The following RABGAP1L variants were observed in gnomAD, a reference collection of about 807,000 sequenced individuals.
The protein encoded by RABGAP1L is RAB GTPase activating protein 1 like, also known as rab GTPase-activating protein 1-like.
Under a neutral mutation model 137.7 loss-of-function variants are expected in RABGAP1L, and 63 were observed. That is an observed-to-expected ratio of 0.46 (90% confidence interval 0.37 to 0.56). The LOEUF (loss-of-function observed/expected upper bound fraction) is 0.56, where lower values mean the gene tolerates loss of function less well. Among genes scored for constraint, RABGAP1L ranks in the 20% least tolerant of loss-of-function variants. RABGAP1L has a pLI of 0.00. For synonymous variants in RABGAP1L, 431 were observed against 433.7 expected (o/e 0.99, Z 0.08); for missense variants, 1,095 against 1,244.0 (o/e 0.88, Z 1.80).
chr1:174,772,154 C>T lies in RABGAP1L; in HGVS notation c.2211+19800C>T, dbSNP rs892657925. On this transcript the variant is annotated intron_variant, in intron 18 of 25. Transcript: ENST00000681986. ...CAGAGGTTGCAGTGAGCTGAGATCA[C>T]GCCACTGCACTACAGCCTGGACGAC... Among the ~76,000 whole-genome samples the T allele has an allele frequency of 1.1e-4, 17 of 151,568 alleles. No homozygotes were observed. The East Asian group carries it at 1.8e-3, about 16-fold the overall frequency.
rs565350850 is a variant in RABGAP1L, at chr1:174,863,256, A to G, written c.2340+51296A>G. Reference sequence around the variant, plus strand: ...AGCAAAAAAAAAAAAAAAGAAAAACAGTATATTTAATGGGAACTTCTTTTT... The same window carrying G: ...AGCAAAAAAAAAAAAAAAGAAAAACGGTATATTTAATGGGAACTTCTTTTT... On this transcript the variant is annotated intron_variant, in intron 19 of 25. Transcript: ENST00000681986. Among the ~76,000 whole-genome samples, 84 of 150,594 alleles carry G rather than the reference A, an allele frequency of 5.6e-4. 1 individual carries two copies. The South Asian group carries it at 0.017, about 31-fold the overall frequency.
intron 5 of RABGAP1L, chr1:174,243,019 G>A (rs1353639784): frequency 6.6e-6 from 1 of 152,170 alleles, no homozygotes; most frequent in Non-Finnish European, 1.5e-5. Flanking sequence ...GGCATTTCAT[G>A]TTGGCAGCCA....
intron 17 of RABGAP1L, among the ~76,000 whole-genome samples, chr1:174,727,375 A>G (rs1039218172): frequency 2.0e-5 from 3 of 152,224 alleles, no homozygotes; most frequent in Non-Finnish European, 4.4e-5. Context: ...GATCCTATTT[A>G]AATGCTGATT....
chr1:174,904,144 C>T (rs1023132374), intron 19 of RABGAP1L, among the ~76,000 whole-genome samples: 2 of 152,038 alleles, frequency 1.3e-5, no homozygotes, highest in African/African-American at 4.8e-5. Context: ...GTTCTGCTCT[C>T]TCCCCCATTC....
chr1:174,205,074 T>C (rs145433372), intron 1 of RABGAP1L, among the ~76,000 whole-genome samples: 3 of 152,294 alleles, frequency 2.0e-5, no homozygotes, highest in African/African-American at 7.2e-5. Context: ...GGTTTTTGTC[T>C]TTAGTTCTGT....
At chr1:174,517,488 AG>A (rs888987738) in intron 13 of RABGAP1L, among the ~76,000 whole-genome samples, 2 of 152,156 alleles carry the variant, frequency 1.3e-5, no homozygotes, top group Non-Finnish European at 2.9e-5. Flanking sequence ...CTGCAGTTCT[AG>A]GGGGGCTATT....
chr1:174,841,937 T>C (rs1484949448), intron 19 of RABGAP1L, among the ~76,000 whole-genome samples: 1 of 152,022 alleles, frequency 6.6e-6, no homozygotes, highest in Admixed American at 6.6e-5. Context: ...ACAATGTAGA[T>C]GCCAATAGGA....
At chr1:174,194,827 T>G (rs1455169758) in intron 1 of RABGAP1L, among the ~76,000 whole-genome samples, 1 of 152,142 alleles carries the variant, frequency 6.6e-6, no homozygotes, top group African/African-American at 2.4e-5. Context: ...GGCACAGGGT[T>G]TGCTTTGAAA....
At chr1:174,800,176 A>T in intron 18 of RABGAP1L, 1 of 1,397,898 alleles carries the variant, frequency 7.2e-7, no homozygotes, top group Non-Finnish European at 9.3e-7. Flanking sequence ...TTTAGCCAAA[A>T]TGTTTTTCTT....
chr1:174,778,341 A>G (rs766096286), intron 18 of RABGAP1L, among the ~76,000 whole-genome samples: 2 of 152,228 alleles, frequency 1.3e-5, no homozygotes, highest in African/African-American at 4.8e-5. Context: ...TAGACATACA[A>G]AAGCTAAAAG....
At chr1:174,815,057 C>T (rs1483319792) in intron 19 of RABGAP1L, among the ~76,000 whole-genome samples, 1 of 152,178 alleles carries the variant, frequency 6.6e-6, no homozygotes, top group East Asian at 1.9e-4. Flanking sequence ...AACCAAAAGG[C>T]TGACCACAAC....
chr1:174,315,736 G>C (rs929963171), intron 11 of RABGAP1L, among the ~76,000 whole-genome samples: 2 of 149,028 alleles, frequency 1.3e-5, no homozygotes, highest in African/African-American at 5.0e-5. Flanking sequence ...AGTCTTCTTT[G>C]GGTTAAATGT....
chr1:174,791,749 C>T (rs1338743421), intron 18 of RABGAP1L, among the ~76,000 whole-genome samples: 2 of 152,188 alleles, frequency 1.3e-5, no homozygotes, highest in Non-Finnish European at 2.9e-5. Context: ...GCAGCTCTTA[C>T]AGAGACGCTG....
intron 3 of RABGAP1L, among the ~76,000 whole-genome samples, chr1:174,221,798 A>G (rs1669776286): frequency 6.6e-6 from 1 of 152,134 alleles, no homozygotes; most frequent in South Asian, 2.1e-4. Context: ...AGCTGGTTAC[A>G]AAGTAGCTAC....
intron 5 of RABGAP1L, among the ~76,000 whole-genome samples, chr1:174,248,572 G>C (rs945638967): frequency 6.6e-6 from 1 of 152,146 alleles, no homozygotes; most frequent in African/African-American, 2.4e-5. Context: ...AGTTAAAACT[G>C]TTAATTTGGC....
intron 19 of RABGAP1L, among the ~76,000 whole-genome samples, chr1:174,841,268 A>G (rs572752239): frequency 2.0e-5 from 3 of 152,298 alleles, no homozygotes; most frequent in East Asian, 1.9e-4. Context: ...GGCAAAGTAA[A>G]TATATACAGC....
intron 1 of RABGAP1L, among the ~76,000 whole-genome samples, chr1:174,162,771 CTTTCTG>C (rs1664585466): frequency 2.5e-5 from 1 of 40,790 alleles, no homozygotes; most frequent in Non-Finnish European, 5.0e-5. Flanking sequence ...TTTTTTTTCT[CTTTCTG>C]TTTTTTTTTT....
At chr1:174,292,329 C>CTTTTTTTTTTTTTT (rs61636433) in intron 10 of RABGAP1L, among the ~76,000 whole-genome samples, 2 of 50,600 alleles carry the variant, frequency 4.0e-5, no homozygotes. Context: ...CCTACCTAAT[C>CTTTTTTTTTTTTTT]TTTTTTTTTT....
intron 19 of RABGAP1L, among the ~76,000 whole-genome samples, chr1:174,818,640 C>T (rs1034110223): frequency 6.6e-5 from 10 of 151,940 alleles, no homozygotes; most frequent in African/African-American, 1.2e-4. Flanking sequence ...CTTTGGGAGG[C>T]GGAGGTAGGA....
Sources: gnomAD v4.1 joint callset for allele counts (sites outside exome capture counted in the v4.1 genomes callset) on GRCh38, gnomAD v4.1.1 for gene constraint, MANE v1.5 for transcripts, NCBI Gene and HGNC (gene_info 2026-07-23, HGNC 2026-07-21) for gene names.